The following FRMD4A variants were observed in gnomAD, a reference collection of about 807,000 sequenced individuals.
FRMD4A encodes FERM domain containing 4A, also known as FERM domain-containing protein 4A.
A neutral mutation model predicts 129.1 loss-of-function variants in FRMD4A; 29 were observed. The ratio of observed to expected loss-of-function variants is 0.22; its 90% CI spans 0.17 to 0.31. FRMD4A has a LOEUF of 0.31. Ranked by LOEUF, FRMD4A falls within the 10% of genes least tolerant of loss-of-function variation. The pLI is 1.00. For missense variants in FRMD4A, 1,272 were observed against 1,375.8 expected (o/e 0.92, Z 1.19); for synonymous variants, 634 against 571.6 (o/e 1.11, Z -1.56).
intron 2 of FRMD4A, among the ~76,000 whole-genome samples, chr10:14,245,279 G>T (rs1346991265): frequency 1.3e-5 from 2 of 152,214 alleles, no homozygotes; most frequent in African/African-American, 4.8e-5. Context: ...AGGTCTCCGG[G>T]TTCGTTGGTG....
At chr10:13,830,720 G>C (rs531700926) in intron 3 of FRMD4A, among the ~76,000 whole-genome samples, 1 of 152,274 alleles carries the variant, frequency 6.6e-6, no homozygotes, top group East Asian at 1.9e-4. Context: ...GACCATGTAT[G>C]TTCATGTTCC....
At chr10:14,282,026 A>G (rs1417322041) in intron 2 of FRMD4A, among the ~76,000 whole-genome samples, 2 of 152,204 alleles carry the variant, frequency 1.3e-5, no homozygotes, top group Non-Finnish European at 2.9e-5. Flanking sequence ...GTGGAAGGTA[A>G]AAAGCACGTC....
At chr10:13,919,227 T>C (rs2131252395) in intron 2 of FRMD4A, among the ~76,000 whole-genome samples, 1 of 152,336 alleles carries the variant, frequency 6.6e-6, no homozygotes, top group Non-Finnish European at 1.5e-5. Context: ...GCGCCATAAG[T>C]TTTAAACAAG....
At position 14,035,336 on chromosome 10, in the gene FRMD4A, C is replaced by T. The variant is rs1009469476; in HGVS notation, c.46-176424G>A. ...CTGAGGCGGGAGGACTGCATGAATC[C>T]GTGAGGCTGAGGTTGCAGTGAGCCA... On this transcript the variant is annotated intron_variant, in intron 2 of 24. Transcript: ENST00000357447. Among the ~76,000 whole-genome samples the T allele has an allele frequency of 1.2e-4, 18 of 151,244 alleles. No homozygotes were observed. In the South Asian group the frequency reaches 1.9e-3, roughly 16 times the overall value.
At position 13,656,621 on chromosome 10, in the gene FRMD4A, G is replaced by C. The variant is rs201700015; in HGVS notation, c.2953+15C>G. 8.0e-4 allele frequency: 1,115 copies of C among 1,390,838 alleles called. 3 individuals carry two copies. Among genetic ancestry groups the C allele is most frequent in the Non-Finnish European group, 1.0e-3 (1,073 of 1,064,580 alleles). 86.2% of individuals were successfully genotyped at this position (1,390,838 alleles called of 1,614,324 possible). On this transcript the variant is annotated intron_variant, in intron 22 of 24. Coordinates refer to ENST00000357447, the MANE Select transcript of FRMD4A (RefSeq NM_018027.5). ...CCTCAGGTCTTCCCGCGTGCACCTGGCCGCCCCCTCTCACCTGACGTGGCC... is the reference window on the plus strand; with the variant it reads ...CCTCAGGTCTTCCCGCGTGCACCTGCCCGCCCCCTCTCACCTGACGTGGCC...
chr10:13,687,830 G>A (rs1172199966), intron 15 of FRMD4A, among the ~76,000 whole-genome samples: 1 of 152,176 alleles, frequency 6.6e-6, no homozygotes, highest in Non-Finnish European at 1.5e-5. Context: ...CGGGTTCCAC[G>A]ACTTTCCTCC....
At chr10:14,097,706 A>G (rs1036528893) in intron 2 of FRMD4A, among the ~76,000 whole-genome samples, 2 of 151,350 alleles carry the variant, frequency 1.3e-5, no homozygotes, top group Non-Finnish European at 2.9e-5. Flanking sequence ...TTAGTTTTAT[A>G]TATTTTAGGG....
intron 2 of FRMD4A, among the ~76,000 whole-genome samples, chr10:14,067,474 C>T (rs1835116380): frequency 6.6e-6 from 1 of 152,048 alleles, no homozygotes; most frequent in Non-Finnish European, 1.5e-5. Flanking sequence ...GACAGCAGAA[C>T]TAGGAAATAG....
chr10:13,948,747 G>A (rs1307405266), intron 2 of FRMD4A, among the ~76,000 whole-genome samples: 4 of 149,310 alleles, frequency 2.7e-5, no homozygotes, highest in Non-Finnish European at 5.9e-5. Context: ...CGCCTCCCAG[G>A]TTCAAGCGAT....
rs563427017 is a variant in FRMD4A, at chr10:13,930,936, G to A, written c.46-72024C>T. Among the ~76,000 whole-genome samples, 6 of 152,210 alleles carry A rather than the reference G, an allele frequency of 3.9e-5. No homozygotes were observed. The East Asian group carries it at 1.2e-3, about 29-fold the overall frequency. On this transcript the variant is annotated intron_variant, in intron 2 of 24. Coordinates refer to ENST00000357447, the MANE Select transcript of FRMD4A (RefSeq NM_018027.5). The stretch of plus-strand genomic sequence containing the variant: ...CAGCCCCAAAATCCTGGACTCAGAA[G>A]ATCCTCCTCCCTCAGCCTCCTGTGT...
At chr10:14,005,679 T>C (rs1472702409) in intron 2 of FRMD4A, among the ~76,000 whole-genome samples, 1 of 152,128 alleles carries the variant, frequency 6.6e-6, no homozygotes, top group Non-Finnish European at 1.5e-5. Flanking sequence ...ATGCCATCGC[T>C]CCTCCAGAGA....
intron 2 of FRMD4A, among the ~76,000 whole-genome samples, chr10:14,055,897 C>T (rs1834503432): frequency 6.6e-6 from 1 of 152,182 alleles, no homozygotes; most frequent in South Asian, 2.1e-4. Flanking sequence ...ACTATTGTCA[C>T]CCCGTTGTGC....
chr10:14,302,472 C>A (rs1417232270), intron 2 of FRMD4A, among the ~76,000 whole-genome samples: 2 of 152,166 alleles, frequency 1.3e-5, no homozygotes, highest in Admixed American at 6.5e-5. Flanking sequence ...CAGCTTCCAA[C>A]TTTGCCACGA....
At chr10:14,207,234 T>C (rs1395891025) in intron 2 of FRMD4A, among the ~76,000 whole-genome samples, 4 of 152,170 alleles carry the variant, frequency 2.6e-5, no homozygotes, top group Non-Finnish European at 5.9e-5. Flanking sequence ...GTTAAGTGTC[T>C]ATATCAGTGG....
At chr10:13,998,149 T>C (rs544977434) in intron 2 of FRMD4A, among the ~76,000 whole-genome samples, 3 of 152,142 alleles carry the variant, frequency 2.0e-5, no homozygotes, top group Non-Finnish European at 4.4e-5. Context: ...GCTGACAATT[T>C]TCTTTCCATC....
intron 2 of FRMD4A, among the ~76,000 whole-genome samples, chr10:13,966,242 C>T (rs781605002): frequency 2.0e-5 from 3 of 152,090 alleles, no homozygotes; most frequent in Non-Finnish European, 4.4e-5. Context: ...AAGCTGGTCT[C>T]GAACTCCTGA....
chr10:14,194,688 A>G (rs143115587), intron 2 of FRMD4A, among the ~76,000 whole-genome samples: 66 of 152,342 alleles, frequency 4.3e-4, no homozygotes, highest in African/African-American at 1.5e-3. Flanking sequence ...TGAGATGTCA[A>G]GAGGATAAAC....
At chr10:13,984,615 A>G (rs1387482548) in intron 2 of FRMD4A, among the ~76,000 whole-genome samples, 1 of 152,170 alleles carries the variant, frequency 6.6e-6, no homozygotes, top group Non-Finnish European at 1.5e-5. Context: ...AGCTCGTATA[A>G]GAGGAAACAT....
intron 2 of FRMD4A, among the ~76,000 whole-genome samples, chr10:13,942,282 T>C (rs1238293866): frequency 1.3e-5 from 2 of 152,180 alleles, no homozygotes; most frequent in Non-Finnish European, 2.9e-5. Context: ...GACATCTCCA[T>C]AGATGTCTCT....
Sources: allele counts gnomAD v4.1 joint callset (sites outside exome capture counted in the v4.1 genomes callset), GRCh38; gene constraint gnomAD v4.1.1; transcripts MANE v1.5; gene names NCBI Gene and HGNC (gene_info 2026-07-23, HGNC 2026-07-21).